The following RIN2 variants were observed in gnomAD, a reference collection of about 807,000 sequenced individuals.
RIN2 encodes RAB5 interacting protein 2.
In RIN2, 36 loss-of-function variants were observed where a neutral mutation model predicts 78.0. The observed-to-expected ratio is 0.46, with a 90% confidence interval of 0.35 to 0.61. The LOEUF (loss-of-function observed/expected upper bound fraction) is 0.61. Ranked by LOEUF, RIN2 falls within the 20% of genes least tolerant of loss-of-function variation. The pLI is 0.00. For synonymous variants in RIN2, 466 were observed against 466.8 expected, an observed-to-expected ratio of 1.00 and a Z score of 0.02; for missense variants, 1,087 against 1,159.7, an observed-to-expected ratio of 0.94 and a Z score of 0.91.
chr20:19,891,847 G>A (rs1295889176), intron 3 of RIN2, among the ~76,000 whole-genome samples: 2 of 152,178 alleles, frequency 1.3e-5, no homozygotes, highest in Non-Finnish European at 2.9e-5. Flanking sequence ...AGAAGAAGAA[G>A]AAAATGGAGT....
At chr20:19,950,148 C>T (rs916274290) in intron 4 of RIN2, among the ~76,000 whole-genome samples, 1 of 152,166 alleles carries the variant, frequency 6.6e-6, no homozygotes, top group Non-Finnish European at 1.5e-5. Context: ...GCTTCAAAGC[C>T]ATGAGGCCCA....
rs1486296418 is a variant in RIN2, at chr20:19,859,910, TG to T, written c.-36-29651del. ...GGGAGATGATCCCCAGAAGCATCAC[TG>T]GGGGATCTTGGAAGTGAAACAAGGA... is the stretch of plus-strand genomic sequence containing the variant. On this transcript the variant is annotated intron_variant, in intron 2 of 12. Transcript: ENST00000255006. 1.3e-4 allele frequency among the ~76,000 whole-genome samples: 20 copies of T among 152,284 alleles called. No individual in the cohort carries two copies. In the East Asian group the frequency reaches 3.1e-3, roughly 24 times the overall value.
chr20:19,866,367 C>T (rs2037506597), intron 2 of RIN2, among the ~76,000 whole-genome samples: 1 of 152,112 alleles, frequency 6.6e-6, no homozygotes, highest in African/African-American at 2.4e-5. Context: ...TGGGGGACCC[C>T]TGATATATAG....
intron 1 of RIN2, among the ~76,000 whole-genome samples, chr20:19,772,988 G>T (rs1263270124): frequency 6.6e-6 from 1 of 152,166 alleles, no homozygotes; most frequent in Non-Finnish European, 1.5e-5. Flanking sequence ...CCACAAACAA[G>T]GTGGCTCGAA....
At chr20:19,870,308 A>G (rs532584281) in intron 2 of RIN2, among the ~76,000 whole-genome samples, 4 of 152,278 alleles carry the variant, frequency 2.6e-5, no homozygotes, top group African/African-American at 9.6e-5. Context: ...AGTCCAGATC[A>G]TGTCTTTTGC....
At chr20:19,837,061 A>C (rs2036437906) in intron 2 of RIN2, among the ~76,000 whole-genome samples, 1 of 152,068 alleles carries the variant, frequency 6.6e-6, no homozygotes. Flanking sequence ...ATTTCCATAC[A>C]ACACTGCTGT....
chr20:19,780,979 T>C (rs1297899350), intron 1 of RIN2, among the ~76,000 whole-genome samples: 2 of 151,906 alleles, frequency 1.3e-5, no homozygotes, highest in Non-Finnish European at 2.9e-5. Flanking sequence ...GATGAAAGAG[T>C]GGTTGCAGCG....
At chr20:19,890,679 C>CAAAAAAAAAAAAAAAAAAAAAA (rs534202183) in intron 3 of RIN2, among the ~76,000 whole-genome samples, 1 of 64,458 alleles carries the variant, frequency 1.6e-5, no homozygotes, top group African/African-American at 5.7e-5. Flanking sequence ...GTTGACTCTA[C>CAAAAAAAAAAAAAAAAAAAAAA]AAAAAAAAAA....
intron 3 of RIN2, among the ~76,000 whole-genome samples, chr20:19,898,451 T>A (rs1205308491): frequency 6.6e-6 from 1 of 152,216 alleles, no homozygotes; most frequent in Non-Finnish European, 1.5e-5. Context: ...TCTTGTACAA[T>A]ATAGAATGAA....
intron 1 of RIN2, among the ~76,000 whole-genome samples, chr20:19,774,595 C>T (rs1471429350): frequency 1.3e-5 from 2 of 152,156 alleles, no homozygotes; most frequent in African/African-American, 2.4e-5. Flanking sequence ...AAAAAGGACA[C>T]AAGGGAGTGG....
intron 4 of RIN2, among the ~76,000 whole-genome samples, chr20:19,937,823 G>C (rs1423556416): frequency 6.6e-6 from 1 of 152,242 alleles, no homozygotes; most frequent in East Asian, 1.9e-4. Flanking sequence ...CTCTGTAACA[G>C]CTGTGACAAC....
At chr20:19,897,400 C>T (rs185243363) in intron 3 of RIN2, among the ~76,000 whole-genome samples, 3 of 152,240 alleles carry the variant, frequency 2.0e-5, no homozygotes, top group African/African-American at 7.2e-5. Context: ...AGTGTCACCG[C>T]ACCCAGCCAG....
chr20:19,848,540 A>C (rs1243879022), intron 2 of RIN2, among the ~76,000 whole-genome samples: 2 of 149,324 alleles, frequency 1.3e-5, no homozygotes, highest in East Asian at 1.9e-4. Flanking sequence ...ATCTCAAAAA[A>C]AAAAAAAAAA....
At chr20:19,943,919 T>A (rs535478473) in intron 4 of RIN2, among the ~76,000 whole-genome samples, 1 of 151,858 alleles carries the variant, frequency 6.6e-6, no homozygotes, top group Admixed American at 6.6e-5. Flanking sequence ...GGGGTTTCCC[T>A]TCTTCTCCAG....
chr20:19,916,513 G>A (rs1456600312), intron 3 of RIN2, among the ~76,000 whole-genome samples: 2 of 152,186 alleles, frequency 1.3e-5, no homozygotes, highest in East Asian at 1.9e-4. Flanking sequence ...CAGCTACTCA[G>A]GAGGCTGAGT....
chr20:19,841,334 G>C (rs1444993913), intron 2 of RIN2, among the ~76,000 whole-genome samples: 1 of 152,024 alleles, frequency 6.6e-6, no homozygotes, highest in Non-Finnish European at 1.5e-5. Context: ...GTGCTGGCTT[G>C]AACATGAATT....
chr20:19,947,234 C>T (rs1264795347), intron 4 of RIN2, among the ~76,000 whole-genome samples: 4 of 152,170 alleles, frequency 2.6e-5, no homozygotes, highest in Admixed American at 2.6e-4. Context: ...GGCATGGTGG[C>T]TTGTGCCTGT....
intron 2 of RIN2, among the ~76,000 whole-genome samples, chr20:19,866,532 A>G (rs916261475): frequency 1.3e-5 from 2 of 152,188 alleles, no homozygotes; most frequent in African/African-American, 4.8e-5. Context: ...AATTCACAAA[A>G]CACATAGCCA....
intron 1 of RIN2, among the ~76,000 whole-genome samples, chr20:19,775,406 A>G (rs1226267984): frequency 6.6e-6 from 1 of 152,118 alleles, no homozygotes; most frequent in Admixed American, 6.5e-5. Context: ...GGTATTTTGG[A>G]TGTTAGCATC....
Sources: gnomAD v4.1 joint callset for allele counts (sites outside exome capture counted in the v4.1 genomes callset) on GRCh38, gnomAD v4.1.1 for gene constraint, MANE v1.5 for transcripts, NCBI Gene and HGNC (gene_info 2026-07-23, HGNC 2026-07-21) for gene names.